The following TEF variants were observed in gnomAD, a reference collection of about 807,000 sequenced individuals.
The protein encoded by TEF is thyrotroph embryonic factor.
Under a neutral mutation model 20.8 loss-of-function variants are expected in TEF, and 3 were observed. The observed-to-expected ratio is 0.14, with a 90% confidence interval of 0.07 to 0.37. The LOEUF is 0.37. Ranked by LOEUF, TEF falls within the 10% of genes least tolerant of loss-of-function variation. The pLI, the probability that TEF is intolerant of heterozygous loss-of-function variation, is 1.00. For missense variants in TEF, 296 were observed against 397.9 expected, an observed-to-expected ratio of 0.74 and a Z score of 2.18; for synonymous variants, 180 against 171.1, an observed-to-expected ratio of 1.05 and a Z score of -0.41.
Position 41,387,453 on chromosome 22 carries a change from T to C in TEF, c.260T>C (p.Ile87Thr). The C allele has an allele frequency of 6.2e-7, 1 of 1,614,182 alleles. No homozygotes were observed. The highest frequency in any genetic ancestry group is 8.5e-7 in the Non-Finnish European group (1 of 1,180,028). ...ATGCCACCCATCTGGGACAAGACCATCCCATATGATGGCGAATCTTTCCAC... is the reference window on the plus strand; with the variant it reads ...ATGCCACCCATCTGGGACAAGACCACCCCATATGATGGCGAATCTTTCCAC... ...SLMPPIWDKT[I>T]PYDGESFHLE... Residue 87 changes from isoleucine (I) to threonine (T), a missense_variant, in exon 2 of 4, where the codon ATC (isoleucine) becomes ACC (threonine). By Grantham distance (89) the Ile-to-Thr change is moderately conservative. Coordinates refer to ENST00000266304, the MANE Select transcript of TEF (RefSeq NM_003216.4).
At chr22:41,381,357 G>A (rs931675129), upstream of TEF, among the ~76,000 whole-genome samples, 2 of 151,462 alleles carry the variant, frequency 1.3e-5, no homozygotes, top group Admixed American at 6.6e-5. Context: ...ACCGCCCCGG[G>A]CCCCGCCCCC....
At chr22:41,391,518 A>G (rs2037165849) in intron 2 of TEF, among the ~76,000 whole-genome samples, 1 of 149,156 alleles carries the variant, frequency 6.7e-6, no homozygotes, top group Non-Finnish European at 1.5e-5. Context: ...GTTTCATCGT[A>G]TTGGTCAGGC....
intron 1 of TEF, among the ~76,000 whole-genome samples, chr22:41,383,753 C>T (rs2037063240): frequency 6.6e-6 from 1 of 152,206 alleles, no homozygotes; most frequent in Non-Finnish European, 1.5e-5. Flanking sequence ...ATTGCTTAGG[C>T]CAGGCAAAAC....
chr22:41,368,952 CT>C, intron 1 of TEF: 1 of 606,040 alleles, frequency 1.7e-6, no homozygotes, highest in Non-Finnish European at 2.1e-6. Flanking sequence ...TTTTTGGCAT[CT>C]CTGAGTGGCC....
chr22:41,376,572 A>G (rs893605894), intron 1 of TEF, among the ~76,000 whole-genome samples: 1 of 152,244 alleles, frequency 6.6e-6, no homozygotes, highest in Non-Finnish European at 1.5e-5. Flanking sequence ...TTTCTGGAAC[A>G]GTCGTGACTA....
In TEF at chr22:41,382,167, G is replaced by T; in HGVS notation, c.123G>T (p.Lys41Asn). The T allele has an allele frequency of 8.0e-7, 1 of 1,242,896 alleles. No homozygotes were observed. Among genetic ancestry groups the T allele is most frequent in the Admixed American group, 4.0e-5 (1 of 25,224 alleles). The allele number at this position is 1,242,896 out of a possible 1,614,324, so 77.0% of individuals were successfully genotyped here. A position where few individuals can be genotyped will look rare whatever the true frequency, so the allele number is the denominator to read the frequency against. ...LSGSFPLVLK[K>N]LMENPPREAR... The stretch of plus-strand genomic sequence containing the variant: ...GGTCCTTCCCCCTGGTCCTGAAGAA[G>T]CTGATGGAGAACCCCCCGCGCGAGG... Residue 41 changes from lysine (K) to asparagine (N), a missense_variant, in exon 1 of 4, where the codon AAG (lysine) becomes AAT (asparagine). This residue lies in a region of TEF where 102 missense variants were observed against 80.1 expected (regional missense o/e 1.27). Coordinates refer to ENST00000266304, the MANE Select transcript of TEF (RefSeq NM_003216.4).
intron 2 of TEF, among the ~76,000 whole-genome samples, chr22:41,390,091 A>G (rs1379926257): frequency 6.6e-6 from 1 of 152,014 alleles, no homozygotes; most frequent in Non-Finnish European, 1.5e-5. Flanking sequence ...GGGTTTTGCC[A>G]TGTTGGCCAG....
At chr22:41,367,572 T>A (rs751077379) in exon 1 of TEF, 1 of 1,551,378 alleles carries the variant, frequency 6.4e-7, no homozygotes, top group South Asian at 1.2e-5. Flanking sequence ...GCTGGAGCAC[T>A]CTCTGCCTTG....
chr22:41,380,161 T>C (rs576255799), upstream of TEF, among the ~76,000 whole-genome samples: 110 of 152,266 alleles, frequency 7.2e-4, 1 homozygote, highest in Admixed American at 2.6e-3. Flanking sequence ...TTTATTTATT[T>C]ATTTTTTTGA....
At chr22:41,380,619 T>C (rs1287001204), upstream of TEF, among the ~76,000 whole-genome samples, 1 of 152,172 alleles carries the variant, frequency 6.6e-6, no homozygotes, top group African/African-American at 2.4e-5. Flanking sequence ...CAAGCCAAGC[T>C]CTCTGCCTTC....
intron 1 of TEF, among the ~76,000 whole-genome samples, chr22:41,374,089 A>C (rs1214544919): frequency 1.3e-5 from 2 of 152,046 alleles, no homozygotes; most frequent in East Asian, 1.9e-4. Context: ...CAACAAAGTA[A>C]GCTACAGAAA....
At position 41,369,063 on chromosome 22, in the gene TEF, TCCC is replaced by T. The variant is rs148472308; in HGVS notation, c.67+1467_67+1469del. Reference sequence around the variant, plus strand: ...GAAGGGTGGTACAGTCCCTCCTGGCTCCCCCAAGGTGTCCCAGGATGCCCCCCA... The same window carrying T: ...GAAGGGTGGTACAGTCCCTCCTGGCTCCAAGGTGTCCCAGGATGCCCCCCA... On this transcript the variant is annotated intron_variant, in intron 1 of 3. Transcript: ENST00000406644. 329 of 985,036 alleles carry T rather than the reference TCCC, an allele frequency of 3.3e-4. No individual in the cohort carries two copies. The African/African-American group carries it at 5.3e-3, about 16-fold the overall frequency. 61.0% of individuals were successfully genotyped at this position (985,036 alleles called of 1,614,324 possible).
intron 1 of TEF, among the ~76,000 whole-genome samples, chr22:41,383,712 C>G (rs1198431249): frequency 1.3e-5 from 2 of 152,228 alleles, no homozygotes; most frequent in East Asian, 3.8e-4. Flanking sequence ...AAAATTCCAC[C>G]TTACAAAAAC....
At chr22:41,370,108 TTC>T (rs2036864427) in intron 1 of TEF, 1 of 984,248 alleles carries the variant, frequency 1.0e-6, no homozygotes, top group Non-Finnish European at 1.2e-6. Context: ...TTCTTTTATT[TTC>T]TCTTTCCCCC....
At chr22:41,380,578 G>C (rs1017364173), upstream of TEF, among the ~76,000 whole-genome samples, 1 of 152,178 alleles carries the variant, frequency 6.6e-6, no homozygotes, top group Admixed American at 6.5e-5. Context: ...CCTGCTAGAA[G>C]GGCTGGGCCA....
At chr22:41,395,680 G>T in intron 3 of TEF, 65 bp from the exon 4 acceptor site, 2 of 1,521,468 alleles carry the variant, frequency 1.3e-6, no homozygotes, top group Non-Finnish European at 1.8e-6. Context: ...CAGGTGGTGG[G>T]AGTGGAAAAA....
At chr22:41,392,014 G>A (rs1010196122) in intron 2 of TEF, among the ~76,000 whole-genome samples, 10 of 152,226 alleles carry the variant, frequency 6.6e-5, no homozygotes, top group Non-Finnish European at 1.5e-4. Flanking sequence ...ATTTTTAGCT[G>A]TTTGTTAACT....
intron 1 of TEF, chr22:41,370,138 AAG>A: frequency 1.0e-6 from 1 of 970,280 alleles, no homozygotes; most frequent in Non-Finnish European, 1.2e-6. Context: ...TTTTTGAGAT[AAG>A]AGTCTTGCTC....
At chr22:41,376,306 G>A (rs1012166550) in intron 1 of TEF, among the ~76,000 whole-genome samples, 2 of 152,160 alleles carry the variant, frequency 1.3e-5, no homozygotes, top group East Asian at 1.9e-4. Context: ...GCGCAATCTC[G>A]GCTCACCGCA....
Sources: gnomAD v4.1 joint callset for allele counts (sites outside exome capture counted in the v4.1 genomes callset) on GRCh38, gnomAD v4.1.1 for gene constraint, gnomAD v4.1.1 regional missense constraint, MANE v1.5 for transcripts, NCBI Gene and HGNC (gene_info 2026-07-23, HGNC 2026-07-21) for gene names.